GAK: variants seen among roughly 807,000 people sequenced by gnomAD.
GAK encodes cyclin-G-associated kinase.
In GAK, 79 loss-of-function variants were observed where a neutral mutation model predicts 143.9. The ratio of observed to expected loss-of-function variants is 0.55; its 90% CI spans 0.46 to 0.66. GAK has a LOEUF of 0.66. Ranked by LOEUF, GAK falls within the 30% of genes least tolerant of loss-of-function variation. The pLI, the probability that GAK is intolerant of heterozygous loss-of-function variation, is 0.00. For synonymous variants in GAK, 881 were observed against 765.5 expected, an observed-to-expected ratio of 1.15 and a Z score of -2.49; for missense variants, 1,693 against 1,779.7, an observed-to-expected ratio of 0.95 and a Z score of 0.88.
Position 850,031 on chromosome 4 carries a change from C to A in GAK, c.3695G>T (p.Arg1232Leu). 6.2e-7 allele frequency: 1 copy of A among 1,600,954 alleles called. No homozygotes were observed. Among genetic ancestry groups the A allele is most frequent in the East Asian group, 2.3e-5 (1 of 44,242 alleles). ...DWIEGKERNI[R>L]ALLSTLHTVL... ...TGTGTGCAGCGTGGACAGCAGGGCC[C>A]GGATGTTCCGCTCCTTGCCCTCAAT... Residue 1232 changes from arginine (R) to leucine (L), a missense_variant, in exon 27 of 28, where the codon CGG becomes CTG. Physicochemically the swap from Arg to Leu is moderately radical, Grantham distance 102. This residue lies in a region of GAK where 822 missense variants were observed against 788.7 expected (regional missense o/e 1.04). Coordinates refer to ENST00000314167, the MANE Select transcript of GAK (RefSeq NM_005255.4).
At chr4:910,870 A>G (rs1721934615) in intron 4 of GAK, among the ~76,000 whole-genome samples, 1 of 152,152 alleles carries the variant, frequency 6.6e-6, no homozygotes, top group African/African-American at 2.4e-5. Flanking sequence ...TCTGGAGGGC[A>G]TCGGCACGAG....
chr4:893,983 C>T lies in GAK; in HGVS notation c.768G>A (p.Leu256=). Residue 256 remains leucine (L), a synonymous_variant, in exon 8 of 28, where the codon CTG becomes CTA. Transcript: ENST00000314167. ...IWALGCILYL[L]CFRQHPFEDG... is the part of the protein sequence containing the mutation. ...CCTCAAAAGGGTGCTGCCGGAAGCACAGCAGGTACAAGATGCAGCCCAGGG... is the reference window on the plus strand; with the variant it reads ...CCTCAAAAGGGTGCTGCCGGAAGCATAGCAGGTACAAGATGCAGCCCAGGG... 6.2e-7 allele frequency: 1 copy of T among 1,611,102 alleles called. No homozygotes were observed.
chr4:865,196 G>A lies in GAK; in HGVS notation c.3092C>T (p.Pro1031Leu). ...PSKMTASSSN[P>L]DLLGGWAAWT... ...GGCAGCCCATCCTCCCAGCAGGTCT[G>A]GGTTGCTGGACGAGGCTGTCATCTT... The change falls in exon 23 of 28, where the codon CCA becomes CTA. Residue 1031 changes from proline to leucine, a missense_variant. By Grantham distance (98) the Pro-to-Leu change is moderately conservative. Coordinates refer to ENST00000314167, the MANE Select transcript of GAK (RefSeq NM_005255.4). 1 of 1,613,026 alleles carries A rather than the reference G, an allele frequency of 6.2e-7. No individual in the cohort carries two copies. Among genetic ancestry groups the A allele is most frequent in the Non-Finnish European group, 8.5e-7 (1 of 1,179,784 alleles).
At chr4:863,502 T>C (rs1750646552) in intron 23 of GAK, among the ~76,000 whole-genome samples, 1 of 152,158 alleles carries the variant, frequency 6.6e-6, no homozygotes, top group Non-Finnish European at 1.5e-5. Flanking sequence ...ATAGGGAACC[T>C]TTTGTGAAAG....
In GAK at chr4:867,119, G is replaced by A. The variant is rs1455298174; in HGVS notation, c.2709C>T (p.Ala903=). The change falls in exon 21 of 28, where the codon GCC becomes GCT. Residue 903 remains alanine (A), a synonymous_variant. Transcript: ENST00000314167. The part of the protein sequence containing the change: ...GPAVPPQACK[A]PSSNTDLLSC... ...TGAGCAGGTCGGTGTTGCTGGAGGG[G>A]GCCTTGCAGGCCTGCGGGGGTACAG... 5 of 1,578,650 alleles carry A rather than the reference G, an allele frequency of 3.2e-6. No individual in the cohort carries two copies. In the Admixed American group the frequency reaches 5.2e-5, roughly 17 times the overall value.
chr4:874,935 C>A (rs1713526913), intron 18 of GAK, among the ~76,000 whole-genome samples: 1 of 152,214 alleles, frequency 6.6e-6, no homozygotes, highest in African/African-American at 2.4e-5. Context: ...AATTCAGAGT[C>A]TGTTCTGCTG....
chr4:877,343 G>A, intron 16 of GAK, 136 bp from the exon 17 acceptor site: 1 of 680,656 alleles, frequency 1.5e-6, no homozygotes, highest in Non-Finnish European at 2.6e-6. Flanking sequence ...CCCATGAAGA[G>A]CCTCACAAGA....
At chr4:862,989 A>G (rs1249347781) in intron 23 of GAK, among the ~76,000 whole-genome samples, 1 of 152,238 alleles carries the variant, frequency 6.6e-6, no homozygotes, top group African/African-American at 2.4e-5. Flanking sequence ...CACATTTCTA[A>G]GGCTATAGCG....
intron 1 of GAK, among the ~76,000 whole-genome samples, chr4:918,601 C>T (rs1043265379): frequency 2.0e-5 from 3 of 152,174 alleles, no homozygotes; most frequent in Admixed American, 6.5e-5. Flanking sequence ...GGTCATTCCA[C>T]GATGCATATA....
intron 18 of GAK, among the ~76,000 whole-genome samples, chr4:875,215 C>A (rs964380387): frequency 1.3e-5 from 2 of 152,124 alleles, no homozygotes; most frequent in Non-Finnish European, 2.9e-5. Context: ...CCGCCTCCAC[C>A]GTGGCTGAAA....
chr4:914,868 A>C (rs1295811455), intron 1 of GAK, among the ~76,000 whole-genome samples: 20 of 57,898 alleles, frequency 3.5e-4, no homozygotes, highest in Admixed American at 6.6e-4. Flanking sequence ...GCACGGCCCC[A>C]CACACACACA....
intron 18 of GAK, among the ~76,000 whole-genome samples, chr4:874,679 A>C (rs1713464543): frequency 6.6e-6 from 1 of 152,062 alleles, no homozygotes; most frequent in Non-Finnish European, 1.5e-5. Flanking sequence ...TAAAAAAAAA[A>C]AAAGTATCCT....
chr4:866,513 A>G lies in GAK; in HGVS notation c.2894T>C (p.Leu965Pro). ...PAAADPFGPL[L>P]PSSGNNSQPC... Reference sequence around the variant, plus strand: ...CTGGGAGTTGTTGCCTGAAGACGGCAGAAGCGGGCCAAAGGGGTCAGCTGT... The same window carrying G: ...CTGGGAGTTGTTGCCTGAAGACGGCGGAAGCGGGCCAAAGGGGTCAGCTGT... The change falls in exon 22 of 28, where the codon CTG (leucine) becomes CCG (proline). Residue 965 changes from leucine to proline, a missense_variant. Coordinates refer to ENST00000314167, the MANE Select transcript of GAK (RefSeq NM_005255.4). The G allele has an allele frequency of 1.2e-6, 2 of 1,613,872 alleles. No individual in the cohort carries two copies. Among genetic ancestry groups the G allele is most frequent in the East Asian group, 4.5e-5 (2 of 44,866 alleles).
At chr4:919,768 CTG>C in intron 1 of GAK, among the ~76,000 whole-genome samples, 1 of 152,390 alleles carries the variant, frequency 6.6e-6, no homozygotes, top group South Asian at 2.1e-4. Flanking sequence ...TGTTTACCGT[CTG>C]TCTCAGCTAG....
intron 7 of GAK, among the ~76,000 whole-genome samples, chr4:895,803 C>T (rs188981997): frequency 1.5e-3 from 234 of 151,978 alleles, no homozygotes; most frequent in African/African-American, 5.3e-3. Context: ...CTCACTCTGG[C>T]CTGGCTCTGA....
chr4:854,442 C>T (rs960231448), intron 24 of GAK, among the ~76,000 whole-genome samples: 56 of 152,208 alleles, frequency 3.7e-4, no homozygotes, highest in African/African-American at 1.1e-3. Flanking sequence ...GTTTGGGTGG[C>T]GAGTCTACGA....
At chr4:851,187 T>C (rs1748077653) in intron 25 of GAK, 103 bp from the exon 26 acceptor site, 5 of 1,026,564 alleles carry the variant, frequency 4.9e-6, no homozygotes, top group Non-Finnish European at 7.1e-6. Context: ...AGCCTTTGCC[T>C]CCCGGCCTCA....
At chr4:876,474 T>C (rs112640252) in intron 18 of GAK, 56 bp downstream of exon 18, 1 of 1,487,634 alleles carries the variant, frequency 6.7e-7, no homozygotes, top group Non-Finnish European at 9.4e-7. Context: ...CACATGCAGG[T>C]GCTGCGGCAC....
chr4:913,807 C>T (rs908271967), intron 1 of GAK, 139 bp from the exon 2 acceptor site: 23 of 696,662 alleles, frequency 3.3e-5, no homozygotes, highest in Middle Eastern at 3.3e-4. Flanking sequence ...ATGGCCCCAG[C>T]GTACACGCCC....
Sources: gnomAD v4.1 joint callset for allele counts (sites outside exome capture counted in the v4.1 genomes callset) on GRCh38, gnomAD v4.1.1 for gene constraint, gnomAD v4.1.1 regional missense constraint, MANE v1.5 for transcripts, NCBI Gene and HGNC (gene_info 2026-07-23, HGNC 2026-07-21) for gene names.